ELOVL7: variants seen among roughly 807,000 people sequenced by gnomAD.
ELOVL7 encodes the protein ELOVL fatty acid elongase 7.
A neutral mutation model predicts 35.7 loss-of-function variants in ELOVL7; 27 were observed. That is an observed-to-expected ratio of 0.76 (90% CI 0.56 to 1.04). ELOVL7 has a LOEUF of 1.04. Ranked by LOEUF, ELOVL7 falls within the 50% of genes least tolerant of loss-of-function variation. The pLI is 0.00. For synonymous variants in ELOVL7, 113 were observed against 114.6 expected (o/e 0.99, Z 0.09); for missense variants, 327 against 340.8 (o/e 0.96, Z 0.32).
chr5:60,785,128 A>G (rs1166074385), intron 3 of ELOVL7, among the ~76,000 whole-genome samples: 1 of 152,016 alleles, frequency 6.6e-6, no homozygotes, highest in Non-Finnish European at 1.5e-5. Flanking sequence ...AGGTCTTTTC[A>G]CTCCAAATCC....
chr5:60,816,710 T>G (rs1282483655), intron 1 of ELOVL7, among the ~76,000 whole-genome samples: 3 of 152,204 alleles, frequency 2.0e-5, no homozygotes, highest in African/African-American at 7.2e-5. Context: ...AACCAGTAGA[T>G]GCAGGAATTA....
At chr5:60,759,872 A>T (rs1584148604) in intron 7 of ELOVL7, among the ~76,000 whole-genome samples, 2 of 151,736 alleles carry the variant, frequency 1.3e-5, no homozygotes, top group African/African-American at 4.9e-5. Context: ...CCCACCTATG[A>T]GTGAGAATAT....
chr5:60,777,567 T>C (rs1192611148), intron 3 of ELOVL7, among the ~76,000 whole-genome samples: 2 of 151,938 alleles, frequency 1.3e-5, no homozygotes, highest in African/African-American at 4.8e-5. Flanking sequence ...GATCTAGAAT[T>C]AGGAGAGAGA....
intron 1 of ELOVL7, among the ~76,000 whole-genome samples, chr5:60,808,663 T>C (rs1745082472): frequency 6.6e-6 from 1 of 152,170 alleles, no homozygotes; most frequent in Non-Finnish European, 1.5e-5. Flanking sequence ...ATTCCAAAAC[T>C]TGTACATGAA....
At chr5:60,777,392 A>T (rs4699961) in intron 3 of ELOVL7, among the ~76,000 whole-genome samples, 28,162 of 151,312 alleles carry the variant, frequency 0.19, 4,708 homozygotes, top group African/African-American at 0.45. Context: ...TAAAAAAAAA[A>T]TTTTTAAAAG....
intron 2 of ELOVL7, among the ~76,000 whole-genome samples, chr5:60,798,108 T>C (rs566662483): frequency 1.7e-4 from 26 of 152,258 alleles, no homozygotes; most frequent in African/African-American, 5.8e-4. Flanking sequence ...CTCCCTAAAA[T>C]GTATAAAACT....
At chr5:60,765,776 AT>A (rs1742199570) in intron 6 of ELOVL7, among the ~76,000 whole-genome samples, 1 of 152,206 alleles carries the variant, frequency 6.6e-6, no homozygotes, top group South Asian at 2.1e-4. Flanking sequence ...GTGATTAGTC[AT>A]TTCAAAAGGT....
chr5:60,814,869 T>A (rs1037243158), intron 1 of ELOVL7, among the ~76,000 whole-genome samples: 1 of 152,026 alleles, frequency 6.6e-6, no homozygotes, highest in Non-Finnish European at 1.5e-5. Context: ...TGGGCTTAAT[T>A]GTGAATGGTA....
intron 1 of ELOVL7, among the ~76,000 whole-genome samples, chr5:60,804,857 A>T (rs1304200943): frequency 6.6e-6 from 1 of 152,244 alleles, no homozygotes; most frequent in Non-Finnish European, 1.5e-5. Context: ...ATTAACTTTT[A>T]GGCATCTATT....
intron 8 of ELOVL7, 56 bp from the exon 9 acceptor site, chr5:60,754,889 T>C: frequency 6.8e-7 from 1 of 1,476,702 alleles, no homozygotes; most frequent in South Asian, 1.2e-5. Flanking sequence ...TAACAATTCT[T>C]TACCTACCTA....
intron 1 of ELOVL7, among the ~76,000 whole-genome samples, chr5:60,818,410 A>G (rs1006249336): frequency 1.3e-5 from 2 of 152,026 alleles, no homozygotes; most frequent in Admixed American, 6.6e-5. Flanking sequence ...ACTAAAAATC[A>G]CACAAGACAA....
intron 3 of ELOVL7, among the ~76,000 whole-genome samples, chr5:60,779,053 C>T (rs984724825): frequency 2.6e-5 from 4 of 152,206 alleles, no homozygotes; most frequent in Admixed American, 6.5e-5. Context: ...TTTGACTCCA[C>T]GTCTCACATC....
At chr5:60,823,607 T>C (rs988213833) in intron 1 of ELOVL7, among the ~76,000 whole-genome samples, 2 of 152,230 alleles carry the variant, frequency 1.3e-5, no homozygotes, top group African/African-American at 4.8e-5. Context: ...TGGGATCAAT[T>C]GCCAAGGGTT....
chr5:60,757,233 T>C (rs1316647945), intron 8 of ELOVL7, among the ~76,000 whole-genome samples: 5 of 152,086 alleles, frequency 3.3e-5, no homozygotes, highest in Admixed American at 2.6e-4. Context: ...TCACATAACG[T>C]TGGAGTTATC....
intron 2 of ELOVL7, among the ~76,000 whole-genome samples, chr5:60,789,812 A>G (rs914594584): frequency 1.3e-5 from 2 of 152,208 alleles, no homozygotes; most frequent in African/African-American, 4.8e-5. Flanking sequence ...ATGTACTGAT[A>G]TGGAAATATT....
chr5:60,831,827 T>C (rs1300317809), intron 1 of ELOVL7, among the ~76,000 whole-genome samples: 1 of 152,190 alleles, frequency 6.6e-6, no homozygotes, highest in Non-Finnish European at 1.5e-5. Context: ...GTGGTTACTC[T>C]TTCAATATAA....
intron 1 of ELOVL7, among the ~76,000 whole-genome samples, chr5:60,842,249 A>G (rs565469771): frequency 2.6e-5 from 4 of 152,234 alleles, no homozygotes; most frequent in Non-Finnish European, 5.9e-5. Context: ...AATTGGATAG[A>G]AGATATTTAA....
At chr5:60,785,884 T>C (rs1743552088) in intron 3 of ELOVL7, 1 of 152,216 alleles carries the variant, frequency 6.6e-6, no homozygotes, top group Admixed American at 6.5e-5. Flanking sequence ...GAGATAAATT[T>C]GGTCTTTAGT....
In ELOVL7 at chr5:60,821,452, G is replaced by A. The variant is rs772509249; in HGVS notation, c.-85-22222C>T. On this transcript the variant is annotated intron_variant, in intron 1 of 8. Coordinates refer to ENST00000508821, the MANE Select transcript of ELOVL7 (RefSeq NM_024930.3). ...CTATCCTCCAACTCAGCAAGCCCAA[G>A]TGCTCCTCCTTCCCCCTCTATCTAT... 4.6e-5 allele frequency among the ~76,000 whole-genome samples: 7 copies of A among 152,156 alleles called. 1 individual carries two copies. Among genetic ancestry groups the A allele is most frequent in the Non-Finnish European group, 8.8e-5 (6 of 68,028 alleles).
Sources: allele counts gnomAD v4.1 joint callset (sites outside exome capture counted in the v4.1 genomes callset), GRCh38; gene constraint gnomAD v4.1.1; transcripts MANE v1.5; gene names NCBI Gene and HGNC (gene_info 2026-07-23, HGNC 2026-07-21).